TMEM200C: variants seen among roughly 807,000 people sequenced by gnomAD.
TMEM200C encodes the protein transmembrane protein TTMA.
For synonymous variants in TMEM200C, 462 were observed against 324.7 expected, an observed-to-expected ratio of 1.42 and a Z score of -4.55; for missense variants, 966 against 699.9, an observed-to-expected ratio of 1.38 and a Z score of -4.29.
exon 3 of TMEM200C, chr18:5,890,611 C>G (rs1182213332): frequency 9.4e-7 from 1 of 1,063,194 alleles, no homozygotes; most frequent in East Asian, 3.2e-5. Context: ...GGCGGGGGCT[C>G]GGGGGACGGC....
Position 5,891,380 on chromosome 18 carries a change from GGCGGCCGCGGCGGCGGCC to G in TMEM200C, c.666_683del (p.Ala225_Ala230del), listed in dbSNP as rs1567887698. ...GGGCAGACGACGACGAAGAGGCGGC[GGCGGCCGCGGCGGCGGCC>G]GCGGCGGCCGCCAGGTCTTTGGCGC... On this transcript the variant is annotated inframe_deletion, in exon 3 of 3. Coordinates refer to ENST00000581347, the Ensembl canonical transcript of TMEM200C. The surrounding 1 kb of genome is among the most constrained non-coding windows in gnomAD (Gnocchi z 4.7). The G allele has an allele frequency of 2.3e-6, 3 of 1,311,220 alleles. No individual in the cohort carries two copies. The highest frequency in any genetic ancestry group is 2.9e-6 in the Non-Finnish European group (3 of 1,035,490). 81.2% of individuals were successfully genotyped at this position (1,311,220 alleles called of 1,614,324 possible).
rs763098598 is a variant in TMEM200C, at chr18:5,891,811, C to A, written c.253G>T (p.Gly85Trp). Residue 85 changes from glycine to tryptophan, a missense_variant, in exon 3 of 3, where the codon GGG becomes TGG. Coordinates refer to ENST00000581347, the Ensembl canonical transcript of TMEM200C. The surrounding 1 kb of genome is among the most constrained non-coding windows in gnomAD (Gnocchi z 4.7). ...CCCGCAGGCGGCAGCTGCTTACCCC[C>A]CTCCCGATTGGTCCCGGTGGCCTTG... 8 of 1,604,998 alleles carry A rather than the reference C, an allele frequency of 5.0e-6. No individual in the cohort carries two copies. Among genetic ancestry groups the A allele is most frequent in the Non-Finnish European group, 6.8e-6 (8 of 1,177,264 alleles).
intron 2 of TMEM200C, among the ~76,000 whole-genome samples, chr18:5,893,253 T>C (rs2095172936): frequency 6.6e-6 from 1 of 152,168 alleles, no homozygotes; most frequent in Admixed American, 6.5e-5. Context: ...TATGATGATT[T>C]GTAGAATGAC....
intron 1 of TMEM200C, 83 bp from the exon 1 acceptor site, chr18:5,895,605 C>G (rs1398367146): frequency 6.8e-6 from 1 of 146,030 alleles, no homozygotes; most frequent in Non-Finnish European, 1.5e-5. Context: ...TCCGGCGCCC[C>G]CCCCCACGCC....
At chr18:5,890,005 T>TTA in exon 3 of TMEM200C, 1 of 385,106 alleles carries the variant, frequency 2.6e-6, no homozygotes. Flanking sequence ...CTAGTTTGCT[T>TTA]AAAAAAAAAA....
chr18:5,892,063 T>C (rs2095171853), exon 3 of TMEM200C: 1 of 1,611,578 alleles, frequency 6.2e-7, no homozygotes, highest in Non-Finnish European at 8.5e-7. Flanking sequence ...GTGGCGATCA[T>C]GGCGAGCTCC....
At position 5,891,807 on chromosome 18, in the gene TMEM200C, C is replaced by A; in HGVS notation, c.257G>T (p.Gly86Val). The change falls in exon 3 of 3, where the codon GGT becomes GTT. Residue 86 changes from glycine (G) to valine (V), a missense_variant. Coordinates refer to ENST00000581347, the Ensembl canonical transcript of TMEM200C. This position sits in a 1 kb window ranked among gnomAD's most constrained non-coding sequence, Gnocchi z 4.7. ...GCTGCCCGCAGGCGGCAGCTGCTTA[C>A]CCCCCTCCCGATTGGTCCCGGTGGC... 6.2e-7 allele frequency: 1 copy of A among 1,604,222 alleles called. No homozygotes were observed. The highest frequency in any genetic ancestry group is 8.5e-7 in the Non-Finnish European group (1 of 1,176,640).
At chr18:5,890,578 C>T in exon 3 of TMEM200C, 1 of 1,319,616 alleles carries the variant, frequency 7.6e-7, no homozygotes, top group African/African-American at 1.5e-5. Context: ...GGGCTGGAGT[C>T]CGGGTCCGCA....
At chr18:5,894,378 ATC>A (rs1286175622) in intron 2 of TMEM200C, among the ~76,000 whole-genome samples, 1 of 152,174 alleles carries the variant, frequency 6.6e-6, no homozygotes, top group Non-Finnish European at 1.5e-5. Context: ...TTAATGTATC[ATC>A]ATCTGACACG....
Position 5,891,696 on chromosome 18 carries a change from A to G in TMEM200C, c.368T>C (p.Val123Ala). 1 of 1,613,590 alleles carries G rather than the reference A, an allele frequency of 6.2e-7. No individual in the cohort carries two copies. The highest frequency in any genetic ancestry group is 8.5e-7 in the Non-Finnish European group (1 of 1,179,830). ...GGGCGCGCCCGCGGAACTGGAGTTG[A>G]CACCCCCTGGAGCCCTAGGGTGGCT... Residue 123 changes from valine to alanine, a missense_variant, in exon 3 of 3, where the codon GTC becomes GCC. Physicochemically the swap from Val to Ala is moderately conservative, Grantham distance 64. Transcript: ENST00000581347. This position sits in a 1 kb window ranked among gnomAD's most constrained non-coding sequence, Gnocchi z 4.7.
exon 3 of TMEM200C, chr18:5,884,729 A>C (rs1329804696): frequency 6.6e-6 from 1 of 152,168 alleles, no homozygotes; most frequent in East Asian, 1.9e-4. Flanking sequence ...CACATAAAAC[A>C]ATAGCAAAAG....
At chr18:5,892,428 C>T (rs1408488374) in intron 2 of TMEM200C, among the ~76,000 whole-genome samples, 1 of 152,280 alleles carries the variant, frequency 6.6e-6, no homozygotes, top group Middle Eastern at 3.4e-3. Flanking sequence ...TTCTTCTCCT[C>T]GCTCCCCACC....
Position 5,891,079 on chromosome 18 carries a change from G to T in TMEM200C, c.985C>A (p.Arg329Ser). 1 of 534,386 alleles carries T rather than the reference G, an allele frequency of 1.9e-6. No individual in the cohort carries two copies. Among genetic ancestry groups the T allele is most frequent in the South Asian group, 2.5e-5 (1 of 40,072 alleles). The allele number at this position is 534,386 out of a possible 1,614,324, so 33.1% of individuals were successfully genotyped here. Residue 329 changes from arginine (R) to serine (S), a missense_variant, in exon 3 of 3, where the codon CGC (arginine) becomes AGC (serine). By Grantham distance (110) the Arg-to-Ser change is moderately radical. Transcript: ENST00000581347. This position sits in a 1 kb window ranked among gnomAD's most constrained non-coding sequence, Gnocchi z 4.7. ...CGGCGACTGCCTGCCACGCCCGAGC[G>T]CTCGCGGTAGACGCTGTACACGGCC...
In TMEM200C at chr18:5,891,001, G is replaced by A. The variant is rs1290777117; in HGVS notation, c.1063C>T (p.Pro355Ser). ...CCCCAGCTCTCGGGTGGGCTGCAGG[G>A]CGCCGGACTGCTGCAGCTGCTAGCG... Residue 355 changes from proline (P) to serine (S), a missense_variant, in exon 3 of 3, where the codon CCC (proline) becomes TCC (serine). Pro to Ser is a moderately conservative substitution (Grantham distance 74). Coordinates refer to ENST00000581347, the Ensembl canonical transcript of TMEM200C. The surrounding 1 kb of genome is among the most constrained non-coding windows in gnomAD (Gnocchi z 4.7). 3.1e-6 allele frequency: 2 copies of A among 635,208 alleles called. No homozygotes were observed. The highest frequency in any genetic ancestry group is 5.6e-6 in the Non-Finnish European group (2 of 355,420). 39.3% of individuals were successfully genotyped at this position (635,208 alleles called of 1,614,324 possible).
chr18:5,892,647 A>G (rs1289396850), intron 2 of TMEM200C, among the ~76,000 whole-genome samples: 1 of 152,192 alleles, frequency 6.6e-6, no homozygotes, highest in South Asian at 2.1e-4. Flanking sequence ...GAATCTGTCA[A>G]TGTGTGGCCC....
chr18:5,884,315 C>T (rs192719070), exon 3 of TMEM200C: 20 of 152,114 alleles, frequency 1.3e-4, no homozygotes, highest in Admixed American at 1.2e-3. Context: ...TCATGCTGGC[C>T]CCACTGGCCA....
exon 3 of TMEM200C, chr18:5,882,243 TA>T (rs1344237077): frequency 2.0e-5 from 3 of 151,920 alleles, no homozygotes; most frequent in Admixed American, 6.6e-5. Flanking sequence ...TATATCCCTT[TA>T]TTTTTTTTTG....
At chr18:5,894,482 T>C (rs969844948) in intron 2 of TMEM200C, among the ~76,000 whole-genome samples, 3 of 152,178 alleles carry the variant, frequency 2.0e-5, no homozygotes, top group Non-Finnish European at 4.4e-5. Context: ...CAGTCAAGCT[T>C]GGCTGCCCTC....
chr18:5,892,565 C>T (rs2095172351), intron 2 of TMEM200C, among the ~76,000 whole-genome samples: 1 of 152,124 alleles, frequency 6.6e-6, no homozygotes, highest in South Asian at 2.1e-4. Flanking sequence ...AGATTCTTTC[C>T]CTCAGTCCTT....
Sources: gnomAD v4.1 joint callset for allele counts (sites outside exome capture counted in the v4.1 genomes callset) on GRCh38, gnomAD v4.1.1 for gene constraint, Gnocchi (gnomAD v3.1) non-coding constraint, MANE v1.5 for transcripts, NCBI Gene and HGNC (gene_info 2026-07-23, HGNC 2026-07-21) for gene names.